TBC1D12: variants seen among roughly 807,000 people sequenced by gnomAD.
TBC1D12 encodes TBC1 domain family, member 12.
A neutral mutation model predicts 86.7 loss-of-function variants in TBC1D12; 56 were observed. The observed-to-expected ratio is 0.65, with a 90% CI of 0.52 to 0.81. TBC1D12 has a LOEUF of 0.81. Among genes scored for constraint, TBC1D12 ranks in the 30% least tolerant of loss-of-function variants. The pLI, the probability that TBC1D12 is intolerant of heterozygous loss-of-function variation, is 0.00. For missense variants in TBC1D12, 1,023 were observed against 1,038.8 expected (o/e 0.98, Z 0.21); for synonymous variants, 421 against 411.7 (o/e 1.02, Z -0.27).
intron 7 of TBC1D12, chr10:94,508,993 G>A (rs2056494924): frequency 1.3e-5 from 2 of 151,990 alleles, no homozygotes; most frequent in Admixed American, 6.6e-5. Flanking sequence ...TAGGCAGTTC[G>A]ATTAAGGGCT....
At position 94,534,297 on chromosome 10, in the gene TBC1D12, C is replaced by G. The variant is rs1479446178; in HGVS notation, c.*1201C>G. On this transcript the variant is annotated 3_prime_UTR_variant, in exon 13 of 13. Transcript: ENST00000225235. Reference sequence around the variant, plus strand: ...ACCCATCCTCATCTTCTTTACTCATCATTGCTTTCTTCAAGGAAGGTCTTG... The same window carrying G: ...ACCCATCCTCATCTTCTTTACTCATGATTGCTTTCTTCAAGGAAGGTCTTG... The G allele has an allele frequency of 6.6e-6, 1 of 152,128 alleles. No homozygotes were observed. Among genetic ancestry groups the G allele is most frequent in the East Asian group, 1.9e-4 (1 of 5,180 alleles). 9.4% of individuals were successfully genotyped at this position (152,128 alleles called of 1,614,324 possible).
At chr10:94,529,344 C>A (rs1589681200) in intron 11 of TBC1D12, among the ~76,000 whole-genome samples, 2 of 152,228 alleles carry the variant, frequency 1.3e-5, no homozygotes, top group Middle Eastern at 6.8e-3. Context: ...ATTGGCTGGG[C>A]ACAGTGGCTC....
intron 2 of TBC1D12, among the ~76,000 whole-genome samples, chr10:94,468,293 G>A (rs1473293108): frequency 6.6e-6 from 1 of 152,024 alleles, no homozygotes; most frequent in Admixed American, 6.6e-5. Flanking sequence ...TTATCTCTTT[G>A]TGTATATTCA....
intron 3 of TBC1D12, among the ~76,000 whole-genome samples, chr10:94,475,186 A>G (rs976056227): frequency 1.3e-5 from 2 of 152,024 alleles, no homozygotes; most frequent in Non-Finnish European, 2.9e-5. Flanking sequence ...TTCTATTTCA[A>G]CTCTCTGCTC....
intron 1 of TBC1D12, among the ~76,000 whole-genome samples, chr10:94,417,436 T>G (rs1039326879): frequency 6.6e-6 from 1 of 152,136 alleles, no homozygotes; most frequent in African/African-American, 2.4e-5. Flanking sequence ...TGAGATGATA[T>G]GAAAATAGAG....
chr10:94,444,116 G>A (rs2055417901), intron 2 of TBC1D12, among the ~76,000 whole-genome samples: 1 of 150,208 alleles, frequency 6.7e-6, no homozygotes, highest in Admixed American at 6.7e-5. Flanking sequence ...GTTGCAGTGA[G>A]CCAAGATCAT....
At chr10:94,508,291 T>C (rs1368157590) in intron 7 of TBC1D12, among the ~76,000 whole-genome samples, 1 of 151,900 alleles carries the variant, frequency 6.6e-6, no homozygotes, top group African/African-American at 2.4e-5. Flanking sequence ...TTTTATATAA[T>C]TGAAAAAAAT....
At chr10:94,514,907 CTTTTTTTTTTT>C (rs1168629833) in intron 9 of TBC1D12, among the ~76,000 whole-genome samples, 2 of 127,338 alleles carry the variant, frequency 1.6e-5, no homozygotes, top group African/African-American at 3.0e-5. Context: ...TTTTTTTTTT[CTTTTTTTTTTT>C]TTTTTTTGAG....
At chr10:94,487,773 T>C (rs995514888) in intron 3 of TBC1D12, among the ~76,000 whole-genome samples, 1 of 150,494 alleles carries the variant, frequency 6.6e-6, no homozygotes, top group Admixed American at 6.7e-5. Flanking sequence ...CATCGCTGAC[T>C]GTGGCCTCTA....
chr10:94,403,548 C>T lies in TBC1D12; in HGVS notation c.935C>T (p.Ala312Val), dbSNP rs1317858115. ...GGTCCTGCGGGGGCTTCGGCCCGGG[C>T]TCGACGGAGTGGCGGCTTCGCGGAC... Reference protein sequence around the residue: ...EQGPAGASARARRSGGFADFF... With the variant: ...EQGPAGASARVRRSGGFADFF... The change falls in exon 1 of 13, where the codon GCT becomes GTT. Residue 312 changes from alanine (A) to valine (V), a missense_variant. Coordinates refer to ENST00000225235, the MANE Select transcript of TBC1D12 (RefSeq NM_015188.2). 6 of 1,506,154 alleles carry T rather than the reference C, an allele frequency of 4.0e-6. No homozygotes were observed. The South Asian group carries it at 4.0e-5, about 10-fold the overall frequency. The allele number at this position is 1,506,154 out of a possible 1,614,324, so 93.3% of individuals were successfully genotyped here.
chr10:94,530,637 G>T (rs1842397443), intron 11 of TBC1D12, among the ~76,000 whole-genome samples: 1 of 152,144 alleles, frequency 6.6e-6, no homozygotes, highest in Admixed American at 6.6e-5. Context: ...CTGAGGCACA[G>T]TAAAGACAAC....
At chr10:94,437,887 C>A (rs934082170) in intron 1 of TBC1D12, among the ~76,000 whole-genome samples, 2 of 151,320 alleles carry the variant, frequency 1.3e-5, no homozygotes, top group African/African-American at 4.9e-5. Context: ...TAATTTCTGC[C>A]TTTACTGGTA....
intron 2 of TBC1D12, among the ~76,000 whole-genome samples, chr10:94,465,805 T>TAC (rs2134130580): frequency 6.6e-6 from 1 of 150,842 alleles, no homozygotes; most frequent in African/African-American, 2.4e-5. Flanking sequence ...CATACATACA[T>TAC]ATACGCATAC....
At chr10:94,472,372 A>G (rs2055920653) in intron 2 of TBC1D12, among the ~76,000 whole-genome samples, 1 of 152,198 alleles carries the variant, frequency 6.6e-6, no homozygotes, top group South Asian at 2.1e-4. Context: ...ATGAGTATAC[A>G]TCTTTGTGCC....
intron 1 of TBC1D12, among the ~76,000 whole-genome samples, chr10:94,432,301 T>A (rs2055228371): frequency 6.6e-6 from 1 of 152,208 alleles, no homozygotes; most frequent in African/African-American, 2.4e-5. Flanking sequence ...TTGGCCTATT[T>A]ATGTACCTTT....
chr10:94,530,550 T>C (rs1181262697), intron 11 of TBC1D12, among the ~76,000 whole-genome samples: 1 of 152,226 alleles, frequency 6.6e-6, no homozygotes, highest in Non-Finnish European at 1.5e-5. Flanking sequence ...TAAACACTTT[T>C]ACGTTTATTA....
intron 6 of TBC1D12, among the ~76,000 whole-genome samples, chr10:94,501,003 C>T (rs948389963): frequency 2.0e-5 from 3 of 151,836 alleles, no homozygotes; most frequent in Non-Finnish European, 2.9e-5. Context: ...CTGCAGTGAG[C>T]CGAGATCGCG....
chr10:94,440,746 G>A (rs1283402397), intron 1 of TBC1D12, among the ~76,000 whole-genome samples: 1 of 152,120 alleles, frequency 6.6e-6, no homozygotes, highest in Non-Finnish European at 1.5e-5. Flanking sequence ...CTTCCTAATT[G>A]GTTCATTGGG....
intron 1 of TBC1D12, among the ~76,000 whole-genome samples, chr10:94,424,544 C>A (rs931276398): frequency 2.0e-5 from 3 of 152,150 alleles, no homozygotes; most frequent in Non-Finnish European, 4.4e-5. Context: ...TCTGTTGAAA[C>A]CAGTGATGGA....
Sources: gnomAD v4.1 joint callset for allele counts (sites outside exome capture counted in the v4.1 genomes callset) on GRCh38, gnomAD v4.1.1 for gene constraint, MANE v1.5 for transcripts, NCBI Gene and HGNC (gene_info 2026-07-23, HGNC 2026-07-21) for gene names.